ZNF207: variants seen among roughly 807,000 people sequenced by gnomAD.
ZNF207 encodes the protein BUB3-interacting and GLEBS motif-containing protein ZNF207.
ZNF207 carries 24 observed loss-of-function variants against 60.2 expected under a neutral mutation model. That is an observed-to-expected ratio of 0.40 (90% CI 0.29 to 0.56). The LOEUF is 0.56. Among genes scored for constraint, ZNF207 ranks in the 20% least tolerant of loss-of-function variants. The pLI is 0.49. For synonymous variants in ZNF207, 236 were observed against 194.7 expected, an observed-to-expected ratio of 1.21 and a Z score of -1.77; for missense variants, 452 against 636.6, an observed-to-expected ratio of 0.71 and a Z score of 3.12.
rs569842274 is a variant in ZNF207 at position 32,380,513 on chromosome 17, CGAT to C, written c.*10759_*10761del. 8 of 152,160 alleles carry C rather than the reference CGAT, an allele frequency of 5.3e-5. No homozygotes were observed. In the South Asian group the frequency reaches 1.2e-3, roughly 24 times the overall value. 9.4% of individuals were successfully genotyped at this position (152,160 alleles called of 1,614,324 possible). On this transcript the variant is annotated 3_prime_UTR_variant, in exon 12 of 12. Transcript: ENST00000394670. The stretch of plus-strand genomic sequence containing the variant: ...TATTTCAGTGTCCCTTTTTAAAACT[CGAT>C]GATGGCTTTCAGTTTATTTAAGTCT...
chr17:32,369,439 C>G lies in ZNF207; in HGVS notation c.1309C>G (p.Pro437Ala), dbSNP rs1905363447. Residue 437 changes from proline (P) to alanine (A), a missense_variant, in exon 11 of 12, where the codon CCA (proline) becomes GCA (alanine). Physicochemically the swap from Pro to Ala is conservative, Grantham distance 27. Transcript: ENST00000394670. The part of the protein sequence containing the change: ...GIPQQQGMRP[P>A]MPPHGQYGGH... The stretch of plus-strand genomic sequence containing the variant: ...CCCACAGCAACAAGGAATGAGACCC[C>G]CAATGCCACCTCATGGTATTCCTCT... 6.2e-7 allele frequency: 1 copy of G among 1,614,026 alleles called. No individual in the cohort carries two copies. Among genetic ancestry groups the G allele is most frequent in the Non-Finnish European group, 8.5e-7 (1 of 1,180,026 alleles).
rs771194446 is a variant in ZNF207, at chr17:32,350,327, G to T, written c.41+1G>T. 1 of 1,614,116 alleles carries T rather than the reference G, an allele frequency of 6.2e-7. No individual in the cohort carries two copies. Among genetic ancestry groups the T allele is most frequent in the Non-Finnish European group, 8.5e-7 (1 of 1,180,022 alleles). On this transcript the variant is annotated splice_donor_variant, in intron 1 of 11. Transcript: ENST00000394670. LOFTEE classifies it high-confidence loss of function. ...AGAAGCAGCTGAAGCCGTGGTGCTG[G>T]TATCCTTTGTCGGTTTGAAGTCGAG...
chr17:32,362,120 T>TA lies in ZNF207; in HGVS notation c.599+616dup, dbSNP rs1286009653. 9.0e-4 allele frequency among the ~76,000 whole-genome samples: 118 copies of TA among 131,686 alleles called. 3 individuals are homozygous for TA. The East Asian group carries it at 0.016, about 18-fold the overall frequency. The allele number at this position is 131,686 out of a possible 152,430, so 86.4% of individuals were successfully genotyped here. ...TTTTGGTGGTAGTATTTCCTTTCTC[T>TA]AAAAAAAAAAAGTGTGTGTGTGTGT... On this transcript the variant is annotated intron_variant, in intron 6 of 11. Transcript: ENST00000394670.
chr17:32,358,904 A>G (rs1459042705), intron 3 of ZNF207, among the ~76,000 whole-genome samples: 1 of 151,452 alleles, frequency 6.6e-6, no homozygotes, highest in Non-Finnish European at 1.5e-5. Context: ...GGTTCAAGCC[A>G]TTCTCTTGAC....
chr17:32,373,939 C>G lies in ZNF207; in HGVS notation c.*4180C>G, dbSNP rs1201073057. 2 of 152,306 alleles carry G rather than the reference C, an allele frequency of 1.3e-5. No homozygotes were observed. The highest frequency in any genetic ancestry group is 4.8e-5 in the African/African-American group (2 of 41,458). The allele number at this position is 152,306 out of a possible 1,614,324, so 9.4% of individuals were successfully genotyped here. A position where few individuals can be genotyped will look rare whatever the true frequency, so the allele number is the denominator to read the frequency against. ...GAGACGGAGTTTCACTCTTATCACC[C>G]AGGATGGAGTGCAGTGGTGCGATCT... On this transcript the variant is annotated 3_prime_UTR_variant, in exon 12 of 12. Coordinates refer to ENST00000394670, the MANE Select transcript of ZNF207 (RefSeq NM_001098507.2).
intron 8 of ZNF207, among the ~76,000 whole-genome samples, chr17:32,365,757 T>A (rs866018010): frequency 1.3e-4 from 20 of 148,954 alleles, no homozygotes; most frequent in Middle Eastern, 3.2e-3. Context: ...TTTTTTTTTT[T>A]AAGCTAATGA....
rs527390271 is a variant in ZNF207 at position 32,369,850 on chromosome 17, A to G, written c.*91A>G. ...GCCAAGCTTCCGTCAATAAGGCTTC[A>G]TTGTGACTTTAACAAACATTATCTT... is the stretch of plus-strand genomic sequence containing the variant. On this transcript the variant is annotated 3_prime_UTR_variant, in exon 12 of 12. Transcript: ENST00000394670. 1.6e-6 allele frequency: 2 copies of G among 1,285,964 alleles called. No individual in the cohort carries two copies. The highest frequency in any genetic ancestry group is 3.0e-5 in the African/African-American group (2 of 66,198). The allele number at this position is 1,285,964 out of a possible 1,614,324, so 79.7% of individuals were successfully genotyped here. A position where few individuals can be genotyped will look rare whatever the true frequency, so the allele number is the denominator to read the frequency against.
In ZNF207 at chr17:32,350,279, C is replaced by T; in HGVS notation, c.-7C>T. 6.2e-7 allele frequency: 1 copy of T among 1,613,878 alleles called. No homozygotes were observed. The highest frequency in any genetic ancestry group is 8.5e-7 in the Non-Finnish European group (1 of 1,179,820). ...CCTCCCTTTTACTTTGCCGGTAGAA[C>T]ACAGTTATGGGTCGCAAGAAGAAGA... On this transcript the variant is annotated 5_prime_UTR_variant, in exon 1 of 12. Coordinates refer to ENST00000394670, the MANE Select transcript of ZNF207 (RefSeq NM_001098507.2).
chr17:32,367,704 T>C, intron 9 of ZNF207, 68 bp from the exon 10 acceptor site: 1 of 1,567,876 alleles, frequency 6.4e-7, no homozygotes, highest in Non-Finnish European at 8.6e-7. Context: ...TTGTTTTAAG[T>C]TAAACTGTTG....
In ZNF207 at chr17:32,375,257, T is replaced by TATCC; in HGVS notation, c.*5499_*5502dup. 1 of 152,322 alleles carries TATCC rather than the reference T, an allele frequency of 6.6e-6. No homozygotes were observed. Among genetic ancestry groups the TATCC allele is most frequent in the African/African-American group, 2.4e-5 (1 of 41,580 alleles). The allele number at this position is 152,322 out of a possible 1,614,324, so 9.4% of individuals were successfully genotyped here. A position where few individuals can be genotyped will look rare whatever the true frequency, so the allele number is the denominator to read the frequency against. On this transcript the variant is annotated 3_prime_UTR_variant, in exon 12 of 12. Transcript: ENST00000394670. ...GAATTTTGTTGCTTCCATGACAAAA[T>TATCC]ATCCCATTGGACTATTTTATAACCT...
chr17:32,378,171 G>A lies in ZNF207; in HGVS notation c.*8412G>A, dbSNP rs919980841. On this transcript the variant is annotated 3_prime_UTR_variant, in exon 12 of 12. Transcript: ENST00000394670. ...TGCTAACCCCAGTTGTAATAAAGGT[G>A]TAATACTGCTCCTTTGTTATCTCCT... The A allele has an allele frequency of 6.6e-6, 1 of 152,130 alleles. No homozygotes were observed. Among genetic ancestry groups the A allele is most frequent in the East Asian group, 1.9e-4 (1 of 5,202 alleles). 9.4% of individuals were successfully genotyped at this position (152,130 alleles called of 1,614,324 possible).
chr17:32,378,597 G>GT lies in ZNF207; in HGVS notation c.*8840dup, dbSNP rs1229447622. 6.6e-6 allele frequency: 1 copy of GT among 151,944 alleles called. No homozygotes were observed. The highest frequency in any genetic ancestry group is 1.5e-5 in the Non-Finnish European group (1 of 67,898). 9.4% of individuals were successfully genotyped at this position (151,944 alleles called of 1,614,324 possible). Reference sequence around the variant, plus strand: ...ATAACATACCTTTTTAATACTGAAAGTTGACTACTCATCAAGAAATGTAGC... The same window carrying GT: ...ATAACATACCTTTTTAATACTGAAAGTTTGACTACTCATCAAGAAATGTAGC... On this transcript the variant is annotated 3_prime_UTR_variant, in exon 12 of 12. Transcript: ENST00000394670.
intron 3 of ZNF207, 84 bp downstream of exon 3, chr17:32,358,725 C>A: frequency 9.0e-7 from 1 of 1,110,626 alleles, no homozygotes; most frequent in Non-Finnish European, 1.2e-6. Context: ...TCTGTCCAGC[C>A]GAGGCTGGAG....
chr17:32,351,213 CT>C (rs960457749), intron 1 of ZNF207: 2 of 170,540 alleles, frequency 1.2e-5, no homozygotes, highest in African/African-American at 4.8e-5. Context: ...TGTAAGAATT[CT>C]GCTTTATTGA....
rs537647430 is a variant in ZNF207 at position 32,370,822 on chromosome 17, C to T, written c.*1063C>T. The stretch of plus-strand genomic sequence containing the variant: ...GCTTAGGTGCATGCAGTAATAGCTT[C>T]TTGTGCTGTTAATGGGTTATTATAT... On this transcript the variant is annotated 3_prime_UTR_variant, in exon 12 of 12. Transcript: ENST00000394670. The T allele has an allele frequency of 6.6e-6, 1 of 152,286 alleles. No individual in the cohort carries two copies. Among genetic ancestry groups the T allele is most frequent in the African/African-American group, 2.4e-5 (1 of 41,546 alleles). The allele number at this position is 152,286 out of a possible 1,614,324, so 9.4% of individuals were successfully genotyped here. A position where few individuals can be genotyped will look rare whatever the true frequency, so the allele number is the denominator to read the frequency against.
At chr17:32,361,558 A>G in intron 6 of ZNF207, 43 bp downstream of exon 6, 1 of 1,547,198 alleles carries the variant, frequency 6.5e-7, no homozygotes, top group South Asian at 1.2e-5. Flanking sequence ...GTATAATCAT[A>G]CTGTCATTTT....
At chr17:32,350,486 A>G in intron 1 of ZNF207, 160 bp downstream of exon 1, 1 of 877,190 alleles carries the variant, frequency 1.1e-6, no homozygotes, top group South Asian at 1.5e-5. Flanking sequence ...GGCTTCTAGG[A>G]AAATGGGGTT....
chr17:32,369,753 T>C lies in ZNF207; in HGVS notation c.1479T>C (p.Arg493=). 1.3e-6 allele frequency: 2 copies of C among 1,526,890 alleles called. No individual in the cohort carries two copies. The highest frequency in any genetic ancestry group is 1.3e-5 in the South Asian group (1 of 75,450). 94.6% of individuals were successfully genotyped at this position (1,526,890 alleles called of 1,614,324 possible). Residue 493 remains arginine, a synonymous_variant, in exon 12 of 12, where the codon CGT becomes CGC. Coordinates refer to ENST00000394670, the MANE Select transcript of ZNF207 (RefSeq NM_001098507.2). ...CTCCTGTAATGTCGCAAGGTGGCCG[T>C]TACTGATCTTACTTCATCCAGTCTA... ...MRPPVMSQGG[R]Y is the part of the protein sequence containing the mutation.
In ZNF207 at chr17:32,361,431, C is replaced by T; in HGVS notation, c.552-37C>T. 1.3e-6 allele frequency: 2 copies of T among 1,576,436 alleles called. 1 individual carries two copies. Among genetic ancestry groups the T allele is most frequent in the Non-Finnish European group, 1.7e-6 (2 of 1,154,084 alleles). ...CACTTTCCCACTGTATTTTGAAAAT[C>T]ACAGTTAGATTTTGATTTTGTCATA... On this transcript the variant is annotated intron_variant, in intron 5 of 11. Coordinates refer to ENST00000394670, the MANE Select transcript of ZNF207 (RefSeq NM_001098507.2).
Sources: allele counts gnomAD v4.1 joint callset (sites outside exome capture counted in the v4.1 genomes callset), GRCh38; gene constraint gnomAD v4.1.1; transcripts MANE v1.5; gene names NCBI Gene and HGNC (gene_info 2026-07-23, HGNC 2026-07-21).